EPS15: variants seen among roughly 807,000 people sequenced by gnomAD.
The protein encoded by EPS15 is epidermal growth factor receptor substrate 15.
A neutral mutation model predicts 113.8 loss-of-function variants in EPS15; 72 were observed. The ratio of observed to expected loss-of-function variants is 0.63; its 90% CI spans 0.52 to 0.77. The LOEUF (loss-of-function observed/expected upper bound fraction) is 0.77. EPS15 is among the 30% of genes least tolerant of loss of function. The probability of loss-of-function intolerance (pLI) is 0.00; values close to 1 mark genes in which losing one functional copy is unlikely to be tolerated. For missense variants in EPS15, 1,048 were observed against 1,045.8 expected (o/e 1.00, Z -0.03); for synonymous variants, 344 against 363.4 (o/e 0.95, Z 0.61).
chr1:51,517,739 G>C (rs1319681386), intron 1 of EPS15, among the ~76,000 whole-genome samples: 1 of 142,252 alleles, frequency 7.0e-6, no homozygotes, highest in Admixed American at 6.9e-5. Context: ...AGGGTTCTCT[G>C]CTTGTCAGAA....
intron 12 of EPS15, among the ~76,000 whole-genome samples, chr1:51,426,888 C>T (rs768763082): frequency 6.6e-6 from 1 of 151,506 alleles, no homozygotes. Context: ...TATATACACA[C>T]ACATATATAT....
intron 1 of EPS15, among the ~76,000 whole-genome samples, chr1:51,505,055 G>C (rs929487567): frequency 6.6e-5 from 10 of 152,048 alleles, no homozygotes; most frequent in Non-Finnish European, 4.4e-5. Flanking sequence ...AGGAGGCAGA[G>C]GTTGCAGTGA....
intron 1 of EPS15, among the ~76,000 whole-genome samples, chr1:51,508,102 A>C (rs568753304): frequency 6.6e-6 from 1 of 151,634 alleles, no homozygotes; most frequent in Non-Finnish European, 1.5e-5. Flanking sequence ...GAATTGCTTG[A>C]ACCCGAGAGG....
At chr1:51,489,307 G>A (rs11800407) in intron 1 of EPS15, among the ~76,000 whole-genome samples, 13,204 of 119,798 alleles carry the variant, frequency 0.11, 833 homozygotes, top group South Asian at 0.22. Flanking sequence ...ATATATATAT[G>A]TATGTATGTA....
At chr1:51,400,021 A>G (rs1049839410) in intron 19 of EPS15, among the ~76,000 whole-genome samples, 4 of 152,226 alleles carry the variant, frequency 2.6e-5, no homozygotes, top group African/African-American at 9.6e-5. Flanking sequence ...TCCAATTTTA[A>G]GTCCCCTTAT....
intron 12 of EPS15, among the ~76,000 whole-genome samples, chr1:51,429,643 GT>G (rs57230294): frequency 0.25 from 32,856 of 129,802 alleles, 4,878 homozygotes; most frequent in African/African-American, 0.49. Flanking sequence ...GTTGTTGTTG[GT>G]TTTTTTTTTT....
intron 4 of EPS15, 72 bp from the exon 5 acceptor site, chr1:51,468,640 A>T: frequency 1.1e-6 from 1 of 919,792 alleles, no homozygotes; most frequent in Non-Finnish European, 1.7e-6. Flanking sequence ...AAATACTTAC[A>T]ATCTAAAAAT....
chr1:51,364,083 C>CT (rs2148348682), intron 22 of EPS15, 55 bp from the exon 23 acceptor site: 1 of 1,309,428 alleles, frequency 7.6e-7, no homozygotes, highest in Admixed American at 2.3e-5. Context: ...TTGTGGTAGT[C>CT]ATGTAGCATT....
At chr1:51,465,573 G>A (rs1333087247) in intron 5 of EPS15, among the ~76,000 whole-genome samples, 1 of 151,734 alleles carries the variant, frequency 6.6e-6, no homozygotes, top group South Asian at 2.1e-4. Context: ...TTGCTCTGTC[G>A]CCCAGGCTGG....
At chr1:51,370,625 T>TC (rs1646624525) in intron 21 of EPS15, among the ~76,000 whole-genome samples, 1 of 136,564 alleles carries the variant, frequency 7.3e-6, no homozygotes, top group African/African-American at 2.8e-5. Context: ...TGTTAGGCTG[T>TC]TTTTTTTTTT....
intron 24 of EPS15, 88 bp downstream of exon 24, chr1:51,361,083 A>T: frequency 2.0e-6 from 2 of 983,064 alleles, no homozygotes; most frequent in Non-Finnish European, 3.1e-6. Context: ...AAATTTAGTT[A>T]AAATGATGCA....
chr1:51,514,822 A>G (rs1428194664), intron 1 of EPS15, among the ~76,000 whole-genome samples: 1 of 152,224 alleles, frequency 6.6e-6, no homozygotes, highest in Admixed American at 6.5e-5. Flanking sequence ...GAAGGGTTAG[A>G]TATCTCTCTC....
chr1:51,427,869 A>T (rs945350770), intron 12 of EPS15, among the ~76,000 whole-genome samples: 3 of 152,226 alleles, frequency 2.0e-5, no homozygotes, highest in Non-Finnish European at 4.4e-5. Flanking sequence ...AAATATCTGC[A>T]TCTACAGATC....
Position 51,364,044 on chromosome 1 carries a change from A to G in EPS15, c.2197-16T>C, listed in dbSNP as rs1483347998. On this transcript the variant is annotated splice_polypyrimidine_tract_variant and intron_variant, in intron 22 of 24. Transcript: ENST00000371733. Reference sequence around the variant, plus strand: ...CATTGTTGACCTTTGTTTAAAAAGAAATGGTTATACATGGCTATACCAAGC... The same window carrying G: ...CATTGTTGACCTTTGTTTAAAAAGAGATGGTTATACATGGCTATACCAAGC... 1 of 1,602,468 alleles carries G rather than the reference A, an allele frequency of 6.2e-7. No homozygotes were observed. The highest frequency in any genetic ancestry group is 1.7e-5 in the Admixed American group (1 of 59,134).
intron 16 of EPS15, 121 bp from the exon 17 acceptor site, chr1:51,403,653 A>G (rs983829010): frequency 9.4e-6 from 5 of 534,026 alleles, no homozygotes; most frequent in African/African-American, 5.9e-5. Context: ...TATTCATCAA[A>G]TAACTTCTCC....
chr1:51,479,873 G>C (rs146199718), intron 2 of EPS15, among the ~76,000 whole-genome samples: 19 of 152,284 alleles, frequency 1.2e-4, no homozygotes, highest in African/African-American at 4.1e-4. Context: ...CAAGATCCTA[G>C]CCTCACGGGT....
intron 1 of EPS15, among the ~76,000 whole-genome samples, chr1:51,515,320 A>C (rs1235427307): frequency 6.6e-6 from 1 of 152,098 alleles, no homozygotes; most frequent in East Asian, 1.9e-4. Context: ...AAAAATTTTA[A>C]AAATTAGCTG....
chr1:51,424,588 G>A (rs192737911), intron 12 of EPS15, among the ~76,000 whole-genome samples: 1 of 152,246 alleles, frequency 6.6e-6, no homozygotes, highest in Admixed American at 6.5e-5. Flanking sequence ...AGATAAGACA[G>A]ATATAAGACA....
intron 8 of EPS15, 47 bp from the exon 9 acceptor site, chr1:51,448,182 A>G (rs1653225149): frequency 1.8e-6 from 2 of 1,094,120 alleles, no homozygotes; most frequent in African/African-American, 1.6e-5. Flanking sequence ...AGCACTTAAC[A>G]TCCACCCACT....
Sources: allele counts gnomAD v4.1 joint callset (sites outside exome capture counted in the v4.1 genomes callset), GRCh38; gene constraint gnomAD v4.1.1; transcripts MANE v1.5; gene names NCBI Gene and HGNC (gene_info 2026-07-23, HGNC 2026-07-21).